Variants in CHKA observed in about 807,000 individuals in gnomAD.
CHKA encodes choline kinase alpha.
Under a neutral mutation model 60.1 loss-of-function variants are expected in CHKA, and 34 were observed. That is an observed-to-expected ratio of 0.57 (90% CI 0.43 to 0.75). CHKA has a LOEUF of 0.75. Among genes scored for constraint, CHKA ranks in the 30% least tolerant of loss-of-function variants. CHKA has a pLI of 0.00. For missense variants in CHKA, 563 were observed against 561.3 expected, an observed-to-expected ratio of 1.00 and a Z score of -0.03; for synonymous variants, 217 against 223.1, an observed-to-expected ratio of 0.97 and a Z score of 0.24.
rs777815732 is a variant in CHKA at position 68,097,136 on chromosome 11, A to C, written c.351-6T>G. On this transcript the variant is annotated splice_polypyrimidine_tract_variant and splice_region_variant and intron_variant, in intron 1 of 11. Transcript: ENST00000265689. ...GCATGTTGCTAAGGCCGCCTCTGTC[A>C]GAAATAAGAGGACAGTAAGTATCTT... The C allele has an allele frequency of 1.9e-6, 3 of 1,604,770 alleles. No homozygotes were observed. The South Asian group carries it at 3.3e-5, about 18-fold the overall frequency.
chr11:68,056,276 C>A (rs1397440932), intron 11 of CHKA, among the ~76,000 whole-genome samples: 1 of 152,126 alleles, frequency 6.6e-6, no homozygotes, highest in Non-Finnish European at 1.5e-5. Flanking sequence ...GCTCATAACT[C>A]CCATAGCCCT....
intron 1 of CHKA, among the ~76,000 whole-genome samples, chr11:68,110,303 G>C (rs1222909241): frequency 6.6e-6 from 1 of 152,086 alleles, no homozygotes; most frequent in African/African-American, 2.4e-5. Context: ...TACAGATTAG[G>C]AAGAGAGAAA....
chr11:68,076,259 T>A lies in CHKA; in HGVS notation c.517-1429A>T, dbSNP rs192517075. Among the ~76,000 whole-genome samples the A allele has an allele frequency of 1.3e-4, 20 of 152,330 alleles. No homozygotes were observed. In the East Asian group the frequency reaches 3.9e-3, roughly 29 times the overall value. ...TGACAATAAACTGATAACATCTATC[T>A]ATCAAGCTAATGAATTTTAGGGTGG... is the stretch of plus-strand genomic sequence containing the variant. On this transcript the variant is annotated intron_variant, in intron 3 of 11. Transcript: ENST00000265689.
chr11:68,099,859 C>T (rs1322108515), intron 1 of CHKA, among the ~76,000 whole-genome samples: 1 of 152,200 alleles, frequency 6.6e-6, no homozygotes, highest in Non-Finnish European at 1.5e-5. Context: ...AAAGTTTACC[C>T]CCGTACTGCT....
intron 2 of CHKA, among the ~76,000 whole-genome samples, chr11:68,088,310 C>T (rs1406719149): frequency 6.6e-6 from 1 of 151,982 alleles, no homozygotes; most frequent in Non-Finnish European, 1.5e-5. Flanking sequence ...GTGCATCATT[C>T]GGATTCAATT....
intron 1 of CHKA, among the ~76,000 whole-genome samples, chr11:68,110,221 A>G (rs184334938): frequency 1.3e-5 from 2 of 152,338 alleles, no homozygotes; most frequent in East Asian, 3.9e-4. Context: ...ACAAGGTAAC[A>G]ATGTTCCCCC....
chr11:68,103,178 A>C (rs1857790385), intron 1 of CHKA, among the ~76,000 whole-genome samples: 1 of 152,088 alleles, frequency 6.6e-6, no homozygotes, highest in Non-Finnish European at 1.5e-5. Flanking sequence ...GACATTTATC[A>C]AAAGATGACA....
intron 3 of CHKA, among the ~76,000 whole-genome samples, chr11:68,077,666 C>T (rs1856837952): frequency 6.6e-6 from 1 of 152,142 alleles, no homozygotes; most frequent in Non-Finnish European, 1.5e-5. Context: ...CACAACGGGG[C>T]TTACATGACA....
chr11:68,064,189 T>C (rs1007735553), intron 10 of CHKA, among the ~76,000 whole-genome samples: 1 of 152,314 alleles, frequency 6.6e-6, no homozygotes, highest in Middle Eastern at 3.4e-3. Flanking sequence ...GGTGGATCAC[T>C]GGAGGTCAGG....
At chr11:68,118,927 C>T (rs991356030) in intron 1 of CHKA, among the ~76,000 whole-genome samples, 1 of 152,132 alleles carries the variant, frequency 6.6e-6, no homozygotes, top group African/African-American at 2.4e-5. Context: ...TTTCACAGGC[C>T]GCAGGCTAGA....
chr11:68,053,646 CA>C lies in CHKA; in HGVS notation c.*341del, dbSNP rs1855884589. ...AAATCAACATTAACCAAAGTACCTG[CA>C]AGTAACACTGCTTACTCTTGCTGTT... On this transcript the variant is annotated 3_prime_UTR_variant, in exon 12 of 12. Transcript: ENST00000265689. The C allele has an allele frequency of 3.9e-6, 1 of 254,102 alleles. No homozygotes were observed. The highest frequency in any genetic ancestry group is 2.2e-5 in the African/African-American group (1 of 44,656). 15.7% of individuals were successfully genotyped at this position (254,102 alleles called of 1,614,324 possible).
chr11:68,111,968 G>A (rs1858161200), intron 1 of CHKA, among the ~76,000 whole-genome samples: 1 of 138,800 alleles, frequency 7.2e-6, no homozygotes, highest in South Asian at 2.4e-4. Context: ...CAGGAGAATC[G>A]CTTGAACCTG....
At chr11:68,114,029 T>C (rs187967775) in intron 1 of CHKA, among the ~76,000 whole-genome samples, 17 of 152,104 alleles carry the variant, frequency 1.1e-4, no homozygotes, top group African/African-American at 3.6e-4. Context: ...GAGAGACCAT[T>C]ATACGCCTAC....
intron 1 of CHKA, among the ~76,000 whole-genome samples, chr11:68,110,180 G>A (rs1043214583): frequency 9.9e-5 from 15 of 152,152 alleles, no homozygotes; most frequent in African/African-American, 3.6e-4. Context: ...TACTTGATGA[G>A]AAAGTCACAG....
chr11:68,114,901 C>T (rs1203005202), intron 1 of CHKA, among the ~76,000 whole-genome samples: 4 of 152,006 alleles, frequency 2.6e-5, no homozygotes, highest in Admixed American at 6.6e-5. Context: ...GATAAACAGA[C>T]ATTAAGTAGA....
At chr11:68,082,367 A>G (rs551863201) in intron 2 of CHKA, 2 of 152,724 alleles carry the variant, frequency 1.3e-5, no homozygotes, top group South Asian at 2.1e-4. Context: ...TACTGCCTCT[A>G]AAAATGTTAC....
At chr11:68,063,328 G>T (rs1565173230) in intron 10 of CHKA, among the ~76,000 whole-genome samples, 1 of 151,832 alleles carries the variant, frequency 6.6e-6, no homozygotes, top group Admixed American at 6.6e-5. Flanking sequence ...GCAAGACCTC[G>T]TGTCTACAAA....
chr11:68,115,481 T>C (rs900082831), intron 1 of CHKA, among the ~76,000 whole-genome samples: 3 of 152,174 alleles, frequency 2.0e-5, no homozygotes, highest in African/African-American at 7.2e-5. Flanking sequence ...AGGCAGTGCC[T>C]GTGTGCAGGC....
chr11:68,111,651 G>C (rs537954021), intron 1 of CHKA, among the ~76,000 whole-genome samples: 4 of 152,258 alleles, frequency 2.6e-5, no homozygotes, highest in African/African-American at 9.6e-5. Flanking sequence ...GAACAGACTA[G>C]AGAGTACAGA....
Sources: allele counts gnomAD v4.1 joint callset (sites outside exome capture counted in the v4.1 genomes callset), GRCh38; gene constraint gnomAD v4.1.1; transcripts MANE v1.5; gene names NCBI Gene and HGNC (gene_info 2026-07-23, HGNC 2026-07-21).